Variants in PTK2 observed in about 807,000 individuals in gnomAD.
PTK2 encodes the protein focal adhesion kinase 1.
Under a neutral mutation model 150.1 loss-of-function variants are expected in PTK2, and 45 were observed. The observed-to-expected ratio is 0.30, with a 90% confidence interval of 0.24 to 0.38. PTK2 has a LOEUF of 0.38. PTK2 is among the 10% of genes least tolerant of loss of function. The probability of loss-of-function intolerance (pLI) is 1.00; values close to 1 mark genes in which losing one functional copy is unlikely to be tolerated. For synonymous variants in PTK2, 432 were observed against 449.2 expected (o/e 0.96, Z 0.48); for missense variants, 919 against 1,307.3 (o/e 0.70, Z 4.58).
At chr8:140,666,189 T>G (rs1402849793) in intron 30 of PTK2, among the ~76,000 whole-genome samples, 1 of 151,908 alleles carries the variant, frequency 6.6e-6, no homozygotes, top group African/African-American at 2.4e-5. Context: ...AATACAAAAA[T>G]AAGCCAGGTG....
chr8:140,895,737 A>G (rs2100155926), intron 2 of PTK2, among the ~76,000 whole-genome samples: 1 of 152,090 alleles, frequency 6.6e-6, no homozygotes, highest in Non-Finnish European at 1.5e-5. Context: ...TTGTAACACC[A>G]AAAAAAGATA....
intron 1 of PTK2, chr8:140,934,362 T>C (rs2100172908): frequency 1.3e-5 from 2 of 152,222 alleles, no homozygotes. Flanking sequence ...CATACCATGA[T>C]CACACCTGTG....
At chr8:140,803,796 G>T in intron 10 of PTK2, 146 bp from the exon 11 acceptor site, 1 of 703,682 alleles carries the variant, frequency 1.4e-6, no homozygotes, top group Non-Finnish European at 2.4e-6. Flanking sequence ...TCTCCATGCT[G>T]CCCCAGGGGA....
At chr8:140,814,406 C>A (rs982845742) in intron 10 of PTK2, among the ~76,000 whole-genome samples, 1 of 152,126 alleles carries the variant, frequency 6.6e-6, no homozygotes, top group African/African-American at 2.4e-5. Context: ...AAATCCTCAA[C>A]AAAATATTAG....
intron 26 of PTK2, among the ~76,000 whole-genome samples, chr8:140,697,614 G>C (rs992804755): frequency 6.6e-6 from 1 of 152,046 alleles, no homozygotes; most frequent in Non-Finnish European, 1.5e-5. Flanking sequence ...AGTACAGATG[G>C]GGTTTCACCA....
At chr8:140,929,459 T>C (rs958969948) in intron 1 of PTK2, among the ~76,000 whole-genome samples, 6 of 152,266 alleles carry the variant, frequency 3.9e-5, no homozygotes, top group East Asian at 1.9e-4. Flanking sequence ...AGGGCTTATA[T>C]TGTTCCAGCC....
intron 29 of PTK2, among the ~76,000 whole-genome samples, chr8:140,670,489 ACACACAC>A: frequency 2.5e-4 from 2 of 7,896 alleles, no homozygotes; most frequent in African/African-American, 7.8e-4. Context: ...AAAAACAACA[ACACACAC>A]ACACACACAC....
intron 23 of PTK2, among the ~76,000 whole-genome samples, chr8:140,716,192 A>G (rs2100039611): frequency 6.6e-6 from 1 of 152,220 alleles, no homozygotes; most frequent in Admixed American, 6.5e-5. Flanking sequence ...TGTAAATAGC[A>G]GACCCCCATG....
At chr8:140,938,930 C>G (rs144243696) in intron 1 of PTK2, among the ~76,000 whole-genome samples, 2,737 of 152,098 alleles carry the variant, frequency 0.018, 40 homozygotes, top group Non-Finnish European at 0.023. Flanking sequence ...ATCGCTTGAG[C>G]CCAAGAGTTC....
Position 140,864,238 on chromosome 8 carries a change from T to C in PTK2, c.450+74A>G. The C allele has an allele frequency of 3.4e-6, 3 of 882,584 alleles. No individual in the cohort carries two copies. In the South Asian group the frequency reaches 8.1e-5, roughly 24 times the overall value. The allele number at this position is 882,584 out of a possible 1,614,324, so 54.7% of individuals were successfully genotyped here. ...CTCCAAACGTGAGCTTTAATCAAAT[T>C]TGAAAATAAAAATATGCAATAAATA... On this transcript the variant is annotated intron_variant, in intron 5 of 31. Coordinates refer to ENST00000522684, the Ensembl canonical transcript of PTK2.
chr8:140,691,630 T>A (rs2153832113), intron 26 of PTK2, among the ~76,000 whole-genome samples: 1 of 152,260 alleles, frequency 6.6e-6, no homozygotes, highest in South Asian at 2.1e-4. Flanking sequence ...GACAAACAGG[T>A]GGAGGAAATG....
chr8:140,779,260 G>GA (rs1205584407), intron 14 of PTK2, among the ~76,000 whole-genome samples: 2,396 of 119,448 alleles, frequency 0.02, 19 homozygotes, highest in South Asian at 0.026. Context: ...AAAAAAAAAA[G>GA]AAAAAAAAAA....
intron 1 of PTK2, among the ~76,000 whole-genome samples, chr8:140,940,255 C>T (rs954241113): frequency 1.3e-5 from 2 of 152,052 alleles, no homozygotes; most frequent in African/African-American, 2.4e-5. Context: ...TTTGGGAGGC[C>T]GAGGCGGGTG....
intron 10 of PTK2, 46 bp downstream of exon 10, chr8:140,818,231 C>A: frequency 6.6e-7 from 1 of 1,503,962 alleles, no homozygotes; most frequent in Non-Finnish European, 9.2e-7. Context: ...TAATTTGATT[C>A]TTCTTTGTGT....
chr8:140,841,664 C>G (rs974714679), intron 7 of PTK2, among the ~76,000 whole-genome samples: 8 of 151,664 alleles, frequency 5.3e-5, no homozygotes, highest in African/African-American at 1.9e-4. Flanking sequence ...AAATGACGAG[C>G]TGGGAAAGAA....
rs2100137998 is a variant in PTK2 at position 140,864,346 on chromosome 8, T to G, written c.416A>C (p.Glu139Ala). 2.5e-6 allele frequency: 4 copies of G among 1,600,844 alleles called. No homozygotes were observed. In the Admixed American group the frequency reaches 6.9e-5, roughly 28 times the overall value. Residue 139 changes from glutamate to alanine, a missense_variant, in exon 5 of 32, where the codon GAA becomes GCA. Physicochemically the swap from Glu to Ala is moderately radical, Grantham distance 107. Coordinates refer to ENST00000522684, the Ensembl canonical transcript of PTK2. ...GAAGAAATTCAAAGTTGGCTTATCT[T>G]CAGTAAACTGGTTTAGAAATCCTTT...
chr8:140,823,023 CCATCTA>C (rs1454930691), intron 8 of PTK2, among the ~76,000 whole-genome samples: 2 of 152,042 alleles, frequency 1.3e-5, no homozygotes, highest in Non-Finnish European at 2.9e-5. Flanking sequence ...GAAATGTCTC[CCATCTA>C]CAAGTATTAA....
intron 3 of PTK2, among the ~76,000 whole-genome samples, chr8:140,880,554 G>GT (rs373386126): frequency 2.0e-5 from 3 of 151,798 alleles, no homozygotes; most frequent in East Asian, 3.9e-4. Context: ...GATAAGACAA[G>GT]TTTTTTTTTA....
chr8:140,958,638 C>T (rs1030211567), intron 1 of PTK2, among the ~76,000 whole-genome samples: 18 of 152,332 alleles, frequency 1.2e-4, no homozygotes, highest in African/African-American at 4.1e-4. Context: ...CACACTGAGA[C>T]GTAAGTGTAA....
Sources: allele counts gnomAD v4.1 joint callset (sites outside exome capture counted in the v4.1 genomes callset), GRCh38; gene constraint gnomAD v4.1.1; transcripts MANE v1.5; gene names NCBI Gene and HGNC (gene_info 2026-07-23, HGNC 2026-07-21).